The following URI1 variants were observed in gnomAD, a reference collection of about 807,000 sequenced individuals.
URI1 encodes the protein URI1 prefoldin like chaperone, also known as unconventional prefoldin RPB5 interactor 1.
In URI1, 39 loss-of-function variants were observed where a neutral mutation model predicts 60.2. That is an observed-to-expected ratio of 0.65 (90% CI 0.50 to 0.85). URI1 has a LOEUF of 0.85. Among genes scored for constraint, URI1 ranks in the 40% least tolerant of loss-of-function variants. The pLI, the probability that URI1 is intolerant of heterozygous loss-of-function variation, is 0.00. For missense variants in URI1, 691 were observed against 665.9 expected (o/e 1.04, Z -0.42); for synonymous variants, 251 against 236.8 (o/e 1.06, Z -0.55).
intron 1 of URI1, among the ~76,000 whole-genome samples, chr19:29,967,124 C>T (rs572348208): frequency 3.3e-5 from 5 of 152,256 alleles, no homozygotes; most frequent in Admixed American, 1.3e-4. Context: ...TTACTGCTCT[C>T]CTTTATAAAA....
intron 1 of URI1, among the ~76,000 whole-genome samples, chr19:29,963,348 A>G (rs2055349927): frequency 6.6e-6 from 1 of 152,136 alleles, no homozygotes; most frequent in African/African-American, 2.4e-5. Flanking sequence ...TGACCTGTCA[A>G]GTTCAAAAAT....
chr19:29,956,682 G>C (rs182360055), intron 1 of URI1: 1 of 1,544,398 alleles, frequency 6.5e-7, no homozygotes, highest in Admixed American at 1.7e-5. Flanking sequence ...GGATAACGAC[G>C]TTGATGGGGG....
rs367577950 is a variant in URI1, at chr19:29,996,919, T to C, written c.368-8442T>C. 9.2e-5 allele frequency among the ~76,000 whole-genome samples: 14 copies of C among 152,316 alleles called. No individual in the cohort carries two copies. In the East Asian group the frequency reaches 2.3e-3, roughly 25 times the overall value. On this transcript the variant is annotated intron_variant, in intron 4 of 10. Transcript: ENST00000392271. The stretch of plus-strand genomic sequence containing the variant: ...GTAGTATATTACATTGATTTTTATA[T>C]GTTGAACCCATCCTTGCATTCCAGG...
At chr19:30,001,606 T>C (rs2055879216) in intron 4 of URI1, among the ~76,000 whole-genome samples, 1 of 151,944 alleles carries the variant, frequency 6.6e-6, no homozygotes, top group African/African-American at 2.4e-5. Context: ...CAAACTTTTA[T>C]CTAGATCTTT....
chr19:29,933,289 CCTTA>C, intron 1 of URI1, among the ~76,000 whole-genome samples: 1 of 152,206 alleles, frequency 6.6e-6, no homozygotes, highest in East Asian at 1.9e-4. Context: ...GATTCAATAT[CCTTA>C]CTTGTTATAG....
chr19:29,962,679 TTGC>T (rs1230809321), intron 1 of URI1, among the ~76,000 whole-genome samples: 2 of 151,936 alleles, frequency 1.3e-5, no homozygotes, highest in Non-Finnish European at 2.9e-5. Flanking sequence ...TTTGTTGTTG[TTGC>T]TGTCTTTTTT....
At chr19:29,931,726 C>T (rs2054918822) in intron 1 of URI1, among the ~76,000 whole-genome samples, 2 of 152,196 alleles carry the variant, frequency 1.3e-5, no homozygotes, top group South Asian at 4.2e-4. Context: ...CTTGCTCCTC[C>T]TTGGTTAATT....
At chr19:29,941,137 C>A (rs2055019010), upstream of URI1, among the ~76,000 whole-genome samples, 2 of 152,186 alleles carry the variant, frequency 1.3e-5, no homozygotes, top group Non-Finnish European at 2.9e-5. Flanking sequence ...CAAGCAGGCA[C>A]ACCAGGCTGT....
rs2055819635 is a variant in URI1, at chr19:29,996,891, A to C, written c.368-8470A>C. Among the ~76,000 whole-genome samples the C allele has an allele frequency of 3.9e-5, 6 of 152,138 alleles. No homozygotes were observed. In the South Asian group the frequency reaches 1.2e-3, roughly 32 times the overall value. ...CATGTTTTTTCCTCTTCATTCTGCTAATGTAGTATATTACATTGATTTTTA... is the reference window on the plus strand; with the variant it reads ...CATGTTTTTTCCTCTTCATTCTGCTCATGTAGTATATTACATTGATTTTTA... On this transcript the variant is annotated intron_variant, in intron 4 of 10. Coordinates refer to ENST00000392271, the MANE Select transcript of URI1 (RefSeq NM_003796.3).
chr19:29,995,481 G>C (rs903776839), intron 4 of URI1, among the ~76,000 whole-genome samples: 2 of 151,382 alleles, frequency 1.3e-5, no homozygotes, highest in African/African-American at 4.9e-5. Context: ...CTTATCAGAA[G>C]TGTAATTTGC....
intron 4 of URI1, among the ~76,000 whole-genome samples, chr19:30,004,049 G>C (rs1009879457): frequency 5.9e-5 from 9 of 152,000 alleles, no homozygotes; most frequent in African/African-American, 2.2e-4. Flanking sequence ...TAGGCTGTCT[G>C]AGTCTGACCT....
rs58011474 is a variant in URI1 at position 29,951,621 on chromosome 19, A to G, written c.117+8957A>G. ...GAGTGCGGTGGCACGATCTTGGCTC[A>G]CTGCAACCTCCGCCTCCTGGGTTCG... On this transcript the variant is annotated intron_variant, in intron 1 of 10. Coordinates refer to ENST00000392271, the MANE Select transcript of URI1 (RefSeq NM_003796.3). 5.8e-3 allele frequency among the ~76,000 whole-genome samples: 874 copies of G among 150,500 alleles called. 11 individuals are homozygous for G. The highest frequency in any genetic ancestry group is 0.021 in the African/African-American group (855 of 40,830).
intron 4 of URI1, among the ~76,000 whole-genome samples, chr19:30,002,700 G>T (rs2055893244): frequency 6.6e-6 from 1 of 151,424 alleles, no homozygotes; most frequent in South Asian, 2.1e-4. Context: ...TGGGGTGGGG[G>T]GAAGTATCTG....
intron 1 of URI1, among the ~76,000 whole-genome samples, chr19:29,970,441 TA>T (rs2055445245): frequency 6.6e-6 from 1 of 152,226 alleles, no homozygotes; most frequent in East Asian, 1.9e-4. Context: ...AAAATAGTGT[TA>T]TTTTTTTAAA....
intron 1 of URI1, among the ~76,000 whole-genome samples, chr19:29,957,383 G>A (rs183906102): frequency 1.3e-5 from 2 of 151,980 alleles, no homozygotes; most frequent in Admixed American, 6.6e-5. Flanking sequence ...TCTGGAGGGG[G>A]TTAAGCTTTC....
At chr19:29,949,611 C>T (rs2055152206) in intron 1 of URI1, among the ~76,000 whole-genome samples, 1 of 152,216 alleles carries the variant, frequency 6.6e-6, no homozygotes. Context: ...GCACTCCAGC[C>T]TGGGCAACAT....
At chr19:29,958,225 GT>G (rs775270865) in intron 1 of URI1, among the ~76,000 whole-genome samples, 2 of 151,806 alleles carry the variant, frequency 1.3e-5, no homozygotes, top group African/African-American at 2.4e-5. Flanking sequence ...ATGGTTGTTT[GT>G]TTTGTTTTGT....
chr19:29,988,952 G>A (rs1010615400), intron 4 of URI1, among the ~76,000 whole-genome samples: 4 of 152,134 alleles, frequency 2.6e-5, no homozygotes, highest in Non-Finnish European at 4.4e-5. Flanking sequence ...AATATTGTCA[G>A]TTTAAGAAGT....
chr19:29,942,450 G>A lies in URI1; in HGVS notation c.-98G>A. On this transcript the variant is annotated 5_prime_UTR_variant, in exon 1 of 11. Coordinates refer to ENST00000392271, the MANE Select transcript of URI1 (RefSeq NM_003796.3). ...CCTGGGCGCGGGGCGCGCGGTGCCT[G>A]AGGGCGGGCGCGCGGGCGCTGGGCA... 1 of 1,006,198 alleles carries A rather than the reference G, an allele frequency of 9.9e-7. No individual in the cohort carries two copies. Among genetic ancestry groups the A allele is most frequent in the African/African-American group, 1.7e-5 (1 of 57,492 alleles). 62.3% of individuals were successfully genotyped at this position (1,006,198 alleles called of 1,614,324 possible).
Sources: gnomAD v4.1 joint callset for allele counts (sites outside exome capture counted in the v4.1 genomes callset) on GRCh38, gnomAD v4.1.1 for gene constraint, MANE v1.5 for transcripts, NCBI Gene and HGNC (gene_info 2026-07-23, HGNC 2026-07-21) for gene names.